WDR5: variants seen among roughly 807,000 people sequenced by gnomAD.
The protein encoded by WDR5 is WD repeat-containing protein 5.
For synonymous variants in WDR5, 144 were observed against 161.6 expected, an observed-to-expected ratio of 0.89 and a Z score of 0.83; for missense variants, 187 against 416.9, an observed-to-expected ratio of 0.45 and a Z score of 4.80.
Position 134,139,907 on chromosome 9 carries a change from C to G in WDR5, c.30C>G (p.Thr10=). MATEEKKPE[T]EAARAQPTPS... ...CGACGGAGGAGAAGAAGCCCGAGAC[C>G]GAGGCCGCCAGAGCACAGCCAACCC... The change falls in exon 2 of 14, where the codon ACC becomes ACG. Residue 10 remains threonine, a synonymous_variant. Coordinates refer to ENST00000358625, the MANE Select transcript of WDR5 (RefSeq NM_017588.3). 8 of 1,613,472 alleles carry G rather than the reference C, an allele frequency of 5.0e-6. No homozygotes were observed. The highest frequency in any genetic ancestry group is 1.1e-5 in the South Asian group (1 of 91,072).
rs901718289 is a variant in WDR5, at chr9:134,139,802, C to G, written c.-58-18C>G. 1 of 1,494,264 alleles carries G rather than the reference C, an allele frequency of 6.7e-7. No homozygotes were observed. The highest frequency in any genetic ancestry group is 1.4e-5 in the African/African-American group (1 of 72,192). The allele number at this position is 1,494,264 out of a possible 1,614,324, so 92.6% of individuals were successfully genotyped here. On this transcript the variant is annotated intron_variant, in intron 1 of 13. Coordinates refer to ENST00000358625, the MANE Select transcript of WDR5 (RefSeq NM_017588.3). The stretch of plus-strand genomic sequence containing the variant: ...ATAGTTTGTTTCTTGGCTCCCTGTT[C>G]TGCATCTCGCTCAACAGACTGCCTC...
Position 134,148,350 on chromosome 9 carries a change from G to GA in WDR5, c.584+11dup, listed in dbSNP as rs1832318443. 5 of 1,611,862 alleles carry GA rather than the reference G, an allele frequency of 3.1e-6. No individual in the cohort carries two copies. Among genetic ancestry groups the GA allele is most frequent in the Non-Finnish European group, 4.2e-6 (5 of 1,178,136 alleles). ...GTAGCTATGATGGTCTCTGGTAAGT[G>GA]AAAACATTTTACTTCATGAAGCGAT... On this transcript the variant is annotated splice_region_variant and intron_variant, in intron 8 of 13. Transcript: ENST00000358625.
intron 13 of WDR5, among the ~76,000 whole-genome samples, chr9:134,156,844 G>A (rs1832767661): frequency 6.6e-6 from 1 of 152,234 alleles, no homozygotes; most frequent in Non-Finnish European, 1.5e-5. Context: ...TGCTGGTCCG[G>A]AAGGTGTGTG....
chr9:134,145,670 C>T (rs953257172), intron 7 of WDR5, among the ~76,000 whole-genome samples: 18 of 152,244 alleles, frequency 1.2e-4, no homozygotes, highest in African/African-American at 4.1e-4. Flanking sequence ...TGGCCCCCTG[C>T]TCACTGCCTC....
intron 4 of WDR5, 110 bp downstream of exon 4, chr9:134,141,693 GT>G: frequency 8.2e-7 from 1 of 1,223,584 alleles, no homozygotes; most frequent in Non-Finnish European, 1.2e-6. Flanking sequence ...AGTTTTCCCC[GT>G]TTTTTAATTT....
intron 1 of WDR5, among the ~76,000 whole-genome samples, chr9:134,137,984 T>C (rs55697182): frequency 0.073 from 11,060 of 152,242 alleles, 427 homozygotes; most frequent in Middle Eastern, 0.12. Context: ...CCTCGTGATC[T>C]GCCCACCTCA....
intron 10 of WDR5, 56 bp downstream of exon 10, chr9:134,154,597 C>A: frequency 6.3e-7 from 1 of 1,581,894 alleles, no homozygotes; most frequent in Non-Finnish European, 8.7e-7. Flanking sequence ...GCCAGAGACA[C>A]CTGCGTGCCA....
chr9:134,142,217 A>C, intron 5 of WDR5, 116 bp from the exon 6 acceptor site: 1 of 1,254,832 alleles, frequency 8.0e-7, no homozygotes, highest in Non-Finnish European at 1.1e-6. Flanking sequence ...GGGGAACAGC[A>C]AGTCACTGGC....
At position 134,155,319 on chromosome 9, in the gene WDR5, A is replaced by ACC. The variant is rs774659399; in HGVS notation, c.708-18_708-17dup. ...AGGATGCCTCCAGACATGCCGCCTCACCCCTCTCTCTGTCTTGCAGCACTC... is the reference window on the plus strand; with the variant it reads ...AGGATGCCTCCAGACATGCCGCCTCACCCCCCTCTCTCTGTCTTGCAGCACTC... On this transcript the variant is annotated intron_variant, in intron 10 of 13. Coordinates refer to ENST00000358625, the MANE Select transcript of WDR5 (RefSeq NM_017588.3). 3.2e-6 allele frequency: 5 copies of ACC among 1,586,436 alleles called. No individual in the cohort carries two copies. The African/African-American group carries it at 6.8e-5, about 22-fold the overall frequency.
At chr9:134,147,609 C>T in intron 7 of WDR5, among the ~76,000 whole-genome samples, 1 of 152,250 alleles carries the variant, frequency 6.6e-6, no homozygotes, top group South Asian at 2.1e-4. Flanking sequence ...AACCTCAGTC[C>T]CATCCCCGAA....
intron 10 of WDR5, 93 bp from the exon 11 acceptor site, chr9:134,155,247 G>T (rs1411761110): frequency 1.4e-6 from 2 of 1,418,592 alleles, no homozygotes; most frequent in Non-Finnish European, 1.9e-6. Context: ...ACCTGGCGCT[G>T]ATGGTGGCTG....
At chr9:134,145,096 G>GTTTTTTGTTTTTTTTTTT (rs1316019740) in intron 7 of WDR5, among the ~76,000 whole-genome samples, 13 of 104,716 alleles carry the variant, frequency 1.2e-4, no homozygotes, top group African/African-American at 2.7e-4. Flanking sequence ...GTGGGGCTTT[G>GTTTTTTGTTTTTTTTTTT]TTTTTTTTTT....
intron 9 of WDR5, among the ~76,000 whole-genome samples, chr9:134,153,211 C>A (rs1832581801): frequency 6.6e-6 from 1 of 152,178 alleles, no homozygotes; most frequent in South Asian, 2.1e-4. Context: ...CTCACGGCCA[C>A]CTCTGAGGAG....
At chr9:134,156,478 C>T (rs1362169027) in intron 12 of WDR5, 28 bp from the exon 13 acceptor site, 6 of 1,609,348 alleles carry the variant, frequency 3.7e-6, no homozygotes, top group Admixed American at 1.7e-5. Context: ...TTTTCCTTGC[C>T]CTGTTTTCCC....
chr9:134,141,890 T>G, intron 4 of WDR5, 59 bp from the exon 5 acceptor site: 1 of 1,529,504 alleles, frequency 6.5e-7, no homozygotes, highest in South Asian at 1.1e-5. Flanking sequence ...GATTTTGACC[T>G]TTTGCCGATG....
Position 134,156,543 on chromosome 9 carries a change from T to C in WDR5, c.854T>C (p.Ile285Thr), listed in dbSNP as rs1179712433. Residue 285 changes from isoleucine (I) to threonine (T), a missense_variant, in exon 13 of 14, where the codon ATC becomes ACC. Ile to Thr is a moderately conservative substitution (Grantham distance 89). Coordinates refer to ENST00000358625, the MANE Select transcript of WDR5 (RefSeq NM_017588.3). ...GGCTCAGAGGATAACCTTGTTTACA[T>C]CTGGAACCTTCAGACGAAAGAGATT... Reference protein sequence around the residue: ...VSGSEDNLVYIWNLQTKEIVQ... With the variant: ...VSGSEDNLVYTWNLQTKEIVQ... 6 of 1,614,234 alleles carry C rather than the reference T, an allele frequency of 3.7e-6. No individual in the cohort carries two copies. The highest frequency in any genetic ancestry group is 3.3e-5 in the Admixed American group (2 of 60,032).
rs530139250 is a variant in WDR5, at chr9:134,147,846, C to T, written c.529-442C>T. Among the ~76,000 whole-genome samples, 3 of 151,284 alleles carry T rather than the reference C, an allele frequency of 2.0e-5. No homozygotes were observed. The South Asian group carries it at 6.3e-4, about 32-fold the overall frequency. On this transcript the variant is annotated intron_variant, in intron 7 of 13. Coordinates refer to ENST00000358625, the MANE Select transcript of WDR5 (RefSeq NM_017588.3). ...ACCAGCCTGGGCAAGATAGGGAGAC[C>T]CTGTTTCTCTTATGAAGAAAAAAAA...
In WDR5 at chr9:134,159,065, C is replaced by G. The variant is rs540505284; in HGVS notation, c.*1072C>G. 1 of 152,066 alleles carries G rather than the reference C, an allele frequency of 6.6e-6. No homozygotes were observed. The highest frequency in any genetic ancestry group is 1.5e-5 in the Non-Finnish European group (1 of 68,226). 9.4% of individuals were successfully genotyped at this position (152,066 alleles called of 1,614,324 possible). ...TCCTCGAGGGGTTGGGTGCTAAGCG[C>G]GAGCCTCGCCGTCCCTGCTGGAGCC... is the stretch of plus-strand genomic sequence containing the variant. On this transcript the variant is annotated 3_prime_UTR_variant, in exon 14 of 14. Coordinates refer to ENST00000358625, the MANE Select transcript of WDR5 (RefSeq NM_017588.3). The surrounding 1 kb of genome is among the most constrained non-coding windows in gnomAD (Gnocchi z 4.3).
chr9:134,139,942 C>G lies in WDR5; in HGVS notation c.65C>G (p.Ser22Cys), dbSNP rs201158479. The G allele has an allele frequency of 7.4e-6, 12 of 1,613,676 alleles. No individual in the cohort carries two copies. In the African/African-American group the frequency reaches 1.3e-4, roughly 18 times the overall value. ...AGAGCACAGCCAACCCCTTCGTCAT[C>G]CGCCACTCAGAGCAAGGTGCGTGCC... ...AARAQPTPSS[S>C]ATQSKPTPVK... Residue 22 changes from serine to cysteine, a missense_variant, in exon 2 of 14, where the codon TCC (serine) becomes TGC (cysteine). Coordinates refer to ENST00000358625, the MANE Select transcript of WDR5 (RefSeq NM_017588.3).
Sources: allele counts gnomAD v4.1 joint callset (sites outside exome capture counted in the v4.1 genomes callset), GRCh38; gene constraint gnomAD v4.1.1; non-coding constraint Gnocchi (gnomAD v3.1); transcripts MANE v1.5; gene names NCBI Gene and HGNC (gene_info 2026-07-23, HGNC 2026-07-21).